TRHDE: variants seen among roughly 807,000 people sequenced by gnomAD.
TRHDE encodes thyrotropin releasing hormone degrading enzyme, also known as thyrotropin-releasing hormone-degrading ectoenzyme.
A neutral mutation model predicts 125.7 loss-of-function variants in TRHDE; 72 were observed. That is an observed-to-expected ratio of 0.57 (90% CI 0.47 to 0.70). The LOEUF (loss-of-function observed/expected upper bound fraction) is 0.70, where lower values mean the gene tolerates loss of function less well. Ranked by LOEUF, TRHDE falls within the 30% of genes least tolerant of loss-of-function variation. TRHDE has a pLI of 0.00. For missense variants in TRHDE, 1,110 were observed against 1,327.1 expected, an observed-to-expected ratio of 0.84 and a Z score of 2.54; for synonymous variants, 509 against 509.1, an observed-to-expected ratio of 1.00 and a Z score of 0.00.
At chr12:72,430,229 C>T (rs186753642) in intron 3 of TRHDE, among the ~76,000 whole-genome samples, 55 of 145,192 alleles carry the variant, frequency 3.8e-4, no homozygotes, top group African/African-American at 1.3e-3. Flanking sequence ...TATATATATG[C>T]AATATATATA....
intron 1 of TRHDE, among the ~76,000 whole-genome samples, chr12:72,090,485 G>T (rs1874764422): frequency 6.6e-6 from 1 of 152,122 alleles, no homozygotes; most frequent in Admixed American, 6.6e-5. Flanking sequence ...TATCTTGAAT[G>T]TTTGGGCAAT....
chr12:72,481,420 C>T (rs1485429524), intron 5 of TRHDE, among the ~76,000 whole-genome samples: 1 of 150,894 alleles, frequency 6.6e-6, no homozygotes. Context: ...GATTTTGCCT[C>T]AGTTACTCCT....
intron 2 of TRHDE, among the ~76,000 whole-genome samples, chr12:72,341,858 A>G (rs1483381306): frequency 1.3e-5 from 2 of 152,164 alleles, no homozygotes; most frequent in African/African-American, 2.4e-5. Context: ...AAAGTCTTCT[A>G]AAAGTAACTT....
At chr12:72,161,850 T>C (rs1876644798) in intron 2 of TRHDE, among the ~76,000 whole-genome samples, 1 of 152,230 alleles carries the variant, frequency 6.6e-6, no homozygotes, top group Admixed American at 6.5e-5. Context: ...GTTTATTTGA[T>C]CTTGATATGT....
At chr12:72,399,825 T>G (rs2135801465) in intron 3 of TRHDE, among the ~76,000 whole-genome samples, 1 of 152,330 alleles carries the variant, frequency 6.6e-6, no homozygotes, top group East Asian at 1.9e-4. Context: ...GAGTAAACTT[T>G]CAATGATAAA....
chr12:72,472,995 A>G, intron 4 of TRHDE, 72 bp from the exon 5 acceptor site: 4 of 1,152,232 alleles, frequency 3.5e-6, no homozygotes, highest in African/African-American at 3.0e-5. Context: ...AGTTTAATAC[A>G]TGTAATTTTA....
chr12:72,131,459 T>A (rs1875864575), intron 2 of TRHDE, among the ~76,000 whole-genome samples: 1 of 152,274 alleles, frequency 6.6e-6, no homozygotes, highest in Non-Finnish European at 1.5e-5. Context: ...ATATTTTAAA[T>A]TTGTTAATGA....
chr12:72,449,952 T>C (rs1198285764), intron 3 of TRHDE, among the ~76,000 whole-genome samples: 3 of 152,002 alleles, frequency 2.0e-5, no homozygotes, highest in Non-Finnish European at 4.4e-5. Flanking sequence ...TGGAATACAA[T>C]GATTCCATTC....
intron 2 of TRHDE, among the ~76,000 whole-genome samples, chr12:72,111,197 G>A (rs1051894641): frequency 2.6e-5 from 4 of 152,112 alleles, no homozygotes; most frequent in Non-Finnish European, 5.9e-5. Flanking sequence ...TTGAAACAAC[G>A]CAGTAGTCCA....
chr12:72,382,341 G>A (rs562361148), intron 3 of TRHDE, among the ~76,000 whole-genome samples: 21 of 152,018 alleles, frequency 1.4e-4, no homozygotes, highest in Admixed American at 3.9e-4. Flanking sequence ...GTTGGGGAGG[G>A]GGGGACAGTG....
chr12:72,493,511 TTC>T (rs1877776940), intron 5 of TRHDE, among the ~76,000 whole-genome samples: 1 of 151,952 alleles, frequency 6.6e-6, no homozygotes, highest in East Asian at 1.9e-4. Context: ...GTTGTCCTGT[TTC>T]TCTGTTTCCA....
chr12:72,212,363 G>C (rs541001020), intron 2 of TRHDE, among the ~76,000 whole-genome samples: 8 of 151,732 alleles, frequency 5.3e-5, no homozygotes, highest in African/African-American at 1.9e-4. Flanking sequence ...AAAAAAAAAA[G>C]ATAAATTGAA....
At chr12:72,546,203 G>C (rs1190606744) in intron 7 of TRHDE, among the ~76,000 whole-genome samples, 2 of 151,576 alleles carry the variant, frequency 1.3e-5, no homozygotes, top group Non-Finnish European at 3.0e-5. Context: ...TTGCCACTCA[G>C]AATTTTAAAT....
intron 5 of TRHDE, among the ~76,000 whole-genome samples, chr12:72,485,519 C>T (rs1280519262): frequency 6.6e-6 from 1 of 152,098 alleles, no homozygotes. Context: ...CCAGAGCAGT[C>T]ACGCCTCTGG....
chr12:72,175,347 A>G (rs1876964150), intron 2 of TRHDE, among the ~76,000 whole-genome samples: 1 of 152,182 alleles, frequency 6.6e-6, no homozygotes, highest in Admixed American at 6.5e-5. Flanking sequence ...TACCAGAACA[A>G]ATTACTACCG....
chr12:72,285,724 T>C (rs1266315239), intron 1 of TRHDE, among the ~76,000 whole-genome samples: 4 of 152,140 alleles, frequency 2.6e-5, no homozygotes, highest in Non-Finnish European at 5.9e-5. Flanking sequence ...TTTCACCATG[T>C]TGGCCAGGAT....
chr12:72,477,065 C>T (rs1876932134), intron 5 of TRHDE, among the ~76,000 whole-genome samples: 1 of 152,032 alleles, frequency 6.6e-6, no homozygotes. Flanking sequence ...AAGGCATTTC[C>T]CCTTTCTAAC....
intron 2 of TRHDE, among the ~76,000 whole-genome samples, chr12:72,149,649 C>T (rs1184348020): frequency 6.6e-6 from 1 of 151,208 alleles, no homozygotes; most frequent in African/African-American, 2.4e-5. Flanking sequence ...TTGTAAACAA[C>T]TAAATAAAAC....
At chr12:72,636,477 T>G (rs1000633431) in intron 15 of TRHDE, among the ~76,000 whole-genome samples, 7 of 151,450 alleles carry the variant, frequency 4.6e-5, no homozygotes, top group Non-Finnish European at 1.0e-4. Flanking sequence ...CCTCTTTTCC[T>G]AATTGAATAC....
Sources: allele counts gnomAD v4.1 joint callset (sites outside exome capture counted in the v4.1 genomes callset), GRCh38; gene constraint gnomAD v4.1.1; transcripts MANE v1.5; gene names NCBI Gene and HGNC (gene_info 2026-07-23, HGNC 2026-07-21).